Variants in EAF1 observed in about 807,000 individuals in gnomAD.
The protein encoded by EAF1 is ELL associated factor 1.
Under a neutral mutation model 26.6 loss-of-function variants are expected in EAF1, and 19 were observed. That is an observed-to-expected ratio of 0.71 (90% CI 0.50 to 1.05). The LOEUF is 1.05. Among genes scored for constraint, EAF1 ranks in the 50% least tolerant of loss-of-function variants. The pLI is 0.00. For synonymous variants in EAF1, 102 were observed against 120.6 expected (o/e 0.85, Z 1.01); for missense variants, 260 against 335.5 (o/e 0.78, Z 1.76).
At position 15,439,184 on chromosome 3, in the gene EAF1, G is replaced by C; in HGVS notation, c.*29G>C. ...TGGATCTTTCGAAACCTACTTTTTGGTGCACAAACATGCCGCAAGACTGAG... is the reference window on the plus strand; with the variant it reads ...TGGATCTTTCGAAACCTACTTTTTGCTGCACAAACATGCCGCAAGACTGAG... On this transcript the variant is annotated 3_prime_UTR_variant, in exon 6 of 6. Coordinates refer to ENST00000396842, the MANE Select transcript of EAF1 (RefSeq NM_033083.7). 6.2e-7 allele frequency: 1 copy of C among 1,610,008 alleles called. No homozygotes were observed. The highest frequency in any genetic ancestry group is 8.5e-7 in the Non-Finnish European group (1 of 1,178,210).
At position 15,439,437 on chromosome 3, in the gene EAF1, A is replaced by G. The variant is rs1321301986; in HGVS notation, c.*282A>G. The G allele has an allele frequency of 2.5e-5, 8 of 315,174 alleles. No homozygotes were observed. In the East Asian group the frequency reaches 2.8e-4, roughly 11 times the overall value. 19.5% of individuals were successfully genotyped at this position (315,174 alleles called of 1,614,324 possible). On this transcript the variant is annotated 3_prime_UTR_variant, in exon 6 of 6. Transcript: ENST00000396842. ...AGTTAAAATTGTTAATGAAAAACAG[A>G]TAAATGTGCCCTGGTCTAAGTTACT...
chr3:15,436,399 C>T lies in EAF1; in HGVS notation c.584C>T (p.Ser195Phe), dbSNP rs766391671. 11 of 1,613,872 alleles carry T rather than the reference C, an allele frequency of 6.8e-6. No individual in the cohort carries two copies. The South Asian group carries it at 1.2e-4, about 18-fold the overall frequency. ...ATGAGCAGCAGCAGTGGGAGCAGCT[C>T]TTCAGACTCTGAGAGCTCTTCGGGA... is the stretch of plus-strand genomic sequence containing the variant. ...EQMSSSSGSS[S>F]SDSESSSGSD... The change falls in exon 5 of 6, where the codon TCT (serine) becomes TTT (phenylalanine). Residue 195 changes from serine (S) to phenylalanine (F), a missense_variant. Transcript: ENST00000396842.
In EAF1 at chr3:15,435,424, CTGTAGA is replaced by C. The variant is rs575019451; in HGVS notation, c.526+887_526+892del. Among the ~76,000 whole-genome samples, 79 of 151,692 alleles carry C rather than the reference CTGTAGA, an allele frequency of 5.2e-4. 1 individual carries two copies. In the South Asian group the frequency reaches 0.016, roughly 31 times the overall value. On this transcript the variant is annotated intron_variant, in intron 4 of 5. Coordinates refer to ENST00000396842, the MANE Select transcript of EAF1 (RefSeq NM_033083.7). The stretch of plus-strand genomic sequence containing the variant: ...CCCTGGGAAATTTGCCTTTTCCACC[CTGTAGA>C]ACGGCTGCAGACATCACTCTGCACT...
intron 1 of EAF1, among the ~76,000 whole-genome samples, chr3:15,429,335 A>G (rs1483526645): frequency 1.3e-5 from 2 of 149,752 alleles, no homozygotes; most frequent in Non-Finnish European, 3.0e-5. Flanking sequence ...CCCCATCACT[A>G]TTAAAAAAAA....
At chr3:15,434,722 A>T (rs1014498697) in intron 4 of EAF1, among the ~76,000 whole-genome samples, 184 bp downstream of exon 4, 1 of 152,206 alleles carries the variant, frequency 6.6e-6, no homozygotes, top group South Asian at 2.1e-4. Flanking sequence ...ACCTCATTTG[A>T]CAAGGGTGAG....
At chr3:15,432,729 T>C (rs533674085) in intron 3 of EAF1, among the ~76,000 whole-genome samples, 3 of 152,074 alleles carry the variant, frequency 2.0e-5, no homozygotes. Flanking sequence ...TATTTGAAAA[T>C]AAAAATTCAT....
At chr3:15,429,195 T>C (rs554337320) in intron 1 of EAF1, among the ~76,000 whole-genome samples, 101 of 152,298 alleles carry the variant, frequency 6.6e-4, no homozygotes, top group Non-Finnish European at 1.2e-3. Flanking sequence ...ATCTACGAAG[T>C]GTCTTTGTTA....
chr3:15,436,596 A>G (rs772044046), intron 5 of EAF1, 21 bp downstream of exon 5: 28 of 1,544,220 alleles, frequency 1.8e-5, no homozygotes, highest in Non-Finnish European at 2.2e-5. Context: ...ACTCCTTTTT[A>G]TGGCTGAGAG....
At chr3:15,433,750 T>A (rs2061816964) in intron 3 of EAF1, among the ~76,000 whole-genome samples, 1 of 152,240 alleles carries the variant, frequency 6.6e-6, no homozygotes, top group Non-Finnish European at 1.5e-5. Context: ...TATAATTACA[T>A]AATGATGTTT....
At position 15,439,199 on chromosome 3, in the gene EAF1, G is replaced by A. The variant is rs543807618; in HGVS notation, c.*44G>A. 2.9e-5 allele frequency: 46 copies of A among 1,590,274 alleles called. 1 individual carries two copies. Among genetic ancestry groups the A allele is most frequent in the South Asian group, 2.3e-4 (20 of 87,594 alleles). On this transcript the variant is annotated 3_prime_UTR_variant, in exon 6 of 6. Transcript: ENST00000396842. Reference sequence around the variant, plus strand: ...CTACTTTTTGGTGCACAAACATGCCGCAAGACTGAGCTACTTTGGCGTGGA... The same window carrying A: ...CTACTTTTTGGTGCACAAACATGCCACAAGACTGAGCTACTTTGGCGTGGA...
At chr3:15,433,929 T>C (rs995862403) in intron 3 of EAF1, among the ~76,000 whole-genome samples, 25 of 152,212 alleles carry the variant, frequency 1.6e-4, no homozygotes, top group Admixed American at 1.6e-3. Flanking sequence ...GAAAAAATTA[T>C]ATGCTATATT....
intron 5 of EAF1, 138 bp from the exon 6 acceptor site, chr3:15,438,971 C>A (rs2061850972): frequency 3.9e-6 from 3 of 771,626 alleles, no homozygotes; most frequent in Non-Finnish European, 2.0e-6. Context: ...ATTTGATTTT[C>A]TTCCCTAAGT....
intron 2 of EAF1, 57 bp downstream of exon 2, chr3:15,430,064 A>G: frequency 8.1e-7 from 1 of 1,234,338 alleles, no homozygotes; most frequent in Non-Finnish European, 1.1e-6. Flanking sequence ...TTTGTCTTTT[A>G]TATTATTGCA....
chr3:15,429,497 T>C (rs954919227), intron 1 of EAF1, among the ~76,000 whole-genome samples: 4 of 152,216 alleles, frequency 2.6e-5, no homozygotes, highest in African/African-American at 9.6e-5. Context: ...ATGCTGTTAC[T>C]TTTGATCCTC....
intron 5 of EAF1, among the ~76,000 whole-genome samples, chr3:15,437,908 C>T (rs1247783023): frequency 2.0e-5 from 3 of 152,146 alleles, no homozygotes; most frequent in Non-Finnish European, 4.4e-5. Flanking sequence ...GCATCCCTGA[C>T]GTCTACCCAC....
Position 15,436,467 on chromosome 3 carries a change from C to G in EAF1, c.652C>G (p.Pro218Ala). The change falls in exon 5 of 6, where the codon CCA becomes GCA. Residue 218 changes from proline (P) to alanine (A), a missense_variant. By Grantham distance (27) the Pro-to-Ala change is conservative. Coordinates refer to ENST00000396842, the MANE Select transcript of EAF1 (RefSeq NM_033083.7). ...SSSSGGEDNG[P>A]ASPPQPSHQQ... ...CAGCAGTGGAGGCGAGGACAATGGC[C>G]CAGCCTCTCCTCCGCAGCCTTCACA... is the stretch of plus-strand genomic sequence containing the variant. 1 of 1,612,960 alleles carries G rather than the reference C, an allele frequency of 6.2e-7. No individual in the cohort carries two copies. The highest frequency in any genetic ancestry group is 8.5e-7 in the Non-Finnish European group (1 of 1,179,004).
At chr3:15,434,605 C>G in intron 4 of EAF1, 67 bp downstream of exon 4, 1 of 1,549,468 alleles carries the variant, frequency 6.5e-7, no homozygotes, top group Non-Finnish European at 8.8e-7. Flanking sequence ...TTGTGGAGAT[C>G]ACATGGCTGC....
At chr3:15,437,084 T>C (rs1222543609) in intron 5 of EAF1, among the ~76,000 whole-genome samples, 1 of 152,154 alleles carries the variant, frequency 6.6e-6, no homozygotes, top group Non-Finnish European at 1.5e-5. Context: ...TTAGTAGAGA[T>C]GGGGTTTTGC....
Position 15,433,878 on chromosome 3 carries a change from T to A in EAF1, c.336-470T>A, listed in dbSNP as rs534238644. ...TTGCAGATCAAGTAGGGGGAATGAC[T>A]GATATTCAATTATGGTGGTGGGACA... On this transcript the variant is annotated intron_variant, in intron 3 of 5. Transcript: ENST00000396842. Among the ~76,000 whole-genome samples the A allele has an allele frequency of 7.3e-5, 11 of 150,048 alleles. No individual in the cohort carries two copies. In the South Asian group the frequency reaches 2.3e-3, roughly 31 times the overall value.
Sources: gnomAD v4.1 joint callset for allele counts (sites outside exome capture counted in the v4.1 genomes callset) on GRCh38, gnomAD v4.1.1 for gene constraint, MANE v1.5 for transcripts, NCBI Gene and HGNC (gene_info 2026-07-23, HGNC 2026-07-21) for gene names.